SEPTIN14: variants seen among roughly 807,000 people sequenced by gnomAD.
The protein encoded by SEPTIN14 is septin 14.
Under a neutral mutation model 53.6 loss-of-function variants are expected in SEPTIN14, and 40 were observed. The observed-to-expected ratio is 0.75, with a 90% CI of 0.58 to 0.97. The LOEUF is 0.97. SEPTIN14 is among the 50% of genes least tolerant of loss of function. The pLI, the probability that SEPTIN14 is intolerant of heterozygous loss-of-function variation, is 0.00. For missense variants in SEPTIN14, 471 were observed against 508.2 expected (o/e 0.93, Z 0.70); for synonymous variants, 138 against 166.8 (o/e 0.83, Z 1.33).
intron 7 of SEPTIN14, among the ~76,000 whole-genome samples, chr7:55,814,845 C>T (rs116624792): frequency 0.014 from 2,194 of 152,114 alleles, 57 homozygotes; most frequent in African/African-American, 0.05. Context: ...TAAAGCAATT[C>T]TGGGCAAAAA....
intron 2 of SEPTIN14, among the ~76,000 whole-genome samples, chr7:55,848,946 G>C (rs1363142124): frequency 1.3e-5 from 2 of 152,022 alleles, no homozygotes; most frequent in Non-Finnish European, 2.9e-5. Context: ...TAAATGTGCA[G>C]AGACATAAAG....
At chr7:55,825,676 G>C (rs1301067192) in intron 6 of SEPTIN14, among the ~76,000 whole-genome samples, 1 of 152,092 alleles carries the variant, frequency 6.6e-6, no homozygotes, top group African/African-American at 2.4e-5. Flanking sequence ...CATTTAAAAA[G>C]AAGGATGGGG....
intron 9 of SEPTIN14, among the ~76,000 whole-genome samples, chr7:55,796,526 G>T (rs184488713): frequency 4.7e-4 from 71 of 152,122 alleles, no homozygotes; most frequent in African/African-American, 1.5e-3. Flanking sequence ...GCCTCCCAAA[G>T]ACTTTTTTTT....
intron 9 of SEPTIN14, among the ~76,000 whole-genome samples, chr7:55,804,853 C>T (rs1403237083): frequency 2.0e-5 from 3 of 152,082 alleles, no homozygotes; most frequent in African/African-American, 7.2e-5. Context: ...TTAAAATTTT[C>T]TCATTAATCA....
chr7:55,823,913 G>A (rs1241532937), intron 6 of SEPTIN14, among the ~76,000 whole-genome samples: 1 of 145,942 alleles, frequency 6.9e-6, no homozygotes, highest in African/African-American at 2.5e-5. Flanking sequence ...TTGAGAGAGA[G>A]AGTGTCTCAC....
At chr7:55,846,466 G>A in intron 3 of SEPTIN14, 51 bp downstream of exon 3, 1 of 1,405,792 alleles carries the variant, frequency 7.1e-7, no homozygotes, top group Non-Finnish European at 9.7e-7. Context: ...AAGTTGAAAT[G>A]AACATTGGGA....
chr7:55,823,343 G>A (rs1456309127), intron 6 of SEPTIN14, among the ~76,000 whole-genome samples: 2 of 152,100 alleles, frequency 1.3e-5, no homozygotes, highest in Non-Finnish European at 2.9e-5. Context: ...AAAGCCCTGG[G>A]CTTAGCCACA....
intron 5 of SEPTIN14, among the ~76,000 whole-genome samples, chr7:55,837,193 G>A (rs1487889259): frequency 1.3e-5 from 2 of 150,594 alleles, no homozygotes; most frequent in African/African-American, 4.9e-5. Context: ...ACAGCTCACT[G>A]CAGCCTCAAC....
intron 7 of SEPTIN14, 33 bp from the exon 8 acceptor site, chr7:55,807,291 T>A (rs1788626231): frequency 7.3e-7 from 1 of 1,377,564 alleles, no homozygotes; most frequent in Middle Eastern, 1.8e-4. Context: ...TCAACAACAT[T>A]CAGTATCAAT....
chr7:55,819,322 G>T, intron 6 of SEPTIN14, 99 bp from the exon 7 acceptor site: 2 of 853,760 alleles, frequency 2.3e-6, no homozygotes, highest in Non-Finnish European at 1.9e-6. Context: ...CAGCGCGGTG[G>T]CTCATGCCTG....
chr7:55,829,000 CTTGA>C (rs1444154920), intron 6 of SEPTIN14, among the ~76,000 whole-genome samples: 1 of 150,854 alleles, frequency 6.6e-6, no homozygotes, highest in Non-Finnish European at 1.5e-5. Context: ...TTATTGAACT[CTTGA>C]TTATTTATTT....
In SEPTIN14 at chr7:55,860,893, C is replaced by T. The variant is rs1341946345; in HGVS notation, c.54+1050G>A. 2.6e-5 allele frequency among the ~76,000 whole-genome samples: 4 copies of T among 152,158 alleles called. 1 individual carries two copies. The highest frequency in any genetic ancestry group is 2.9e-5 in the Non-Finnish European group (2 of 68,028). On this transcript the variant is annotated intron_variant, in intron 2 of 9. Transcript: ENST00000388975. ...GTGCTTTGATCTTGGACTTCCCATC[C>T]TCTAGAACTGTGAACAATGCATTTC... is the stretch of plus-strand genomic sequence containing the variant.
At chr7:55,833,048 C>G (rs183661353) in intron 6 of SEPTIN14, among the ~76,000 whole-genome samples, 2 of 152,200 alleles carry the variant, frequency 1.3e-5, no homozygotes, top group East Asian at 3.9e-4. Flanking sequence ...TGTGTGGTGG[C>G]TCACGCCTGT....
chr7:55,831,972 C>T (rs924241907), intron 6 of SEPTIN14, among the ~76,000 whole-genome samples: 7 of 152,046 alleles, frequency 4.6e-5, no homozygotes, highest in African/African-American at 4.8e-5. Context: ...GAGGCCAAGG[C>T]GGGTGGATCA....
At chr7:55,824,667 T>C (rs796648671) in intron 6 of SEPTIN14, among the ~76,000 whole-genome samples, 4 of 150,698 alleles carry the variant, frequency 2.7e-5, no homozygotes, top group African/African-American at 9.7e-5. Flanking sequence ...TGCATGCCTG[T>C]AATCCCAGAT....
intron 2 of SEPTIN14, among the ~76,000 whole-genome samples, chr7:55,853,284 C>T (rs1197050290): frequency 6.6e-6 from 1 of 152,170 alleles, no homozygotes; most frequent in Non-Finnish European, 1.5e-5. Context: ...ACCTAAGTGT[C>T]CATCAACAGA....
intron 6 of SEPTIN14, among the ~76,000 whole-genome samples, chr7:55,826,066 C>A (rs2116011081): frequency 1.3e-5 from 2 of 151,294 alleles, no homozygotes; most frequent in East Asian, 3.9e-4. Context: ...CGAGCCACTG[C>A]ACTCCAGCCT....
intron 6 of SEPTIN14, among the ~76,000 whole-genome samples, chr7:55,828,042 A>G (rs2116015356): frequency 6.6e-6 from 1 of 151,814 alleles, no homozygotes. Flanking sequence ...AAAAAAGCAG[A>G]ATGTTTTGAC....
intron 5 of SEPTIN14, among the ~76,000 whole-genome samples, chr7:55,842,058 C>T (rs991582043): frequency 1.3e-5 from 2 of 151,874 alleles, no homozygotes; most frequent in African/African-American, 4.8e-5. Flanking sequence ...AAAATAGATA[C>T]ACAGATACTT....
Sources: allele counts gnomAD v4.1 joint callset (sites outside exome capture counted in the v4.1 genomes callset), GRCh38; gene constraint gnomAD v4.1.1; transcripts MANE v1.5; gene names NCBI Gene and HGNC (gene_info 2026-07-23, HGNC 2026-07-21).